The following CSTL1 variants were observed in gnomAD, a reference collection of about 807,000 sequenced individuals.
CSTL1 encodes the protein cystatin-like 1.
CSTL1 carries 14 observed loss-of-function variants against 14.4 expected under a neutral mutation model. The observed-to-expected ratio is 0.97, with a 90% CI of 0.64 to 1.52. CSTL1 has a LOEUF of 1.52. Ranked by LOEUF, CSTL1 falls within the 40% of genes most tolerant of loss-of-function variation. CSTL1 has a pLI of 0.00. For synonymous variants in CSTL1, 72 were observed against 67.5 expected (o/e 1.07, Z -0.33); for missense variants, 170 against 168.7 (o/e 1.01, Z -0.04).
chr20:23,450,575 GA>G, the CSTL1 span: 5 of 1,608,698 alleles, frequency 3.1e-6, no homozygotes, highest in Non-Finnish European at 4.3e-6. Context: ...ACACTGAGAA[GA>G]AGCAGTTGAC....
the CSTL1 span, chr20:23,459,232 T>G: frequency 6.6e-6 from 1 of 152,282 alleles, no homozygotes; most frequent in Non-Finnish European, 1.5e-5. Flanking sequence ...CAGCTCTGCC[T>G]CTGGAACCTC....
downstream of CSTL1, among the ~76,000 whole-genome samples, chr20:23,449,478 A>G (rs1987031232): frequency 1.3e-5 from 2 of 152,246 alleles, no homozygotes; most frequent in East Asian, 1.9e-4. Context: ...ATTAAACCCA[A>G]GGCTTTTGCT....
At chr20:23,456,715 A>G in the CSTL1 span, among the ~76,000 whole-genome samples, 1 of 152,184 alleles carries the variant, frequency 6.6e-6, no homozygotes, top group Non-Finnish European at 1.5e-5. Flanking sequence ...CAGCCCTACA[A>G]TCAAGGTACT....
chr20:23,440,160 G>C lies in CSTL1; in HGVS notation c.-108G>C. The C allele has an allele frequency of 9.0e-7, 1 of 1,116,784 alleles. No homozygotes were observed. The highest frequency in any genetic ancestry group is 1.4e-5 in the South Asian group (1 of 70,548). 69.2% of individuals were successfully genotyped at this position (1,116,784 alleles called of 1,614,324 possible). On this transcript the variant is annotated 5_prime_UTR_variant, in exon 2 of 4. Transcript: ENST00000347397. Reference sequence around the variant, plus strand: ...TAAATGCAGGCAGGCCATCCCCCAGGAAAGCCTATGTTGGTGAGGGTTATG... The same window carrying C: ...TAAATGCAGGCAGGCCATCCCCCAGCAAAGCCTATGTTGGTGAGGGTTATG...
At chr20:23,459,797 A>T in the CSTL1 span, among the ~76,000 whole-genome samples, 54 of 152,300 alleles carry the variant, frequency 3.5e-4, no homozygotes, top group South Asian at 0.011. Flanking sequence ...AATGAATAAA[A>T]TCCTTTTCCC....
the CSTL1 span, among the ~76,000 whole-genome samples, chr20:23,460,914 CTCCCCCATAT>C: frequency 6.6e-6 from 1 of 152,198 alleles, no homozygotes; most frequent in African/African-American, 2.4e-5. Context: ...AGCTACTCGC[CTCCCCCATAT>C]TCTGCCCACA....
the CSTL1 span, among the ~76,000 whole-genome samples, chr20:23,459,795 A>G: frequency 1.3e-5 from 2 of 152,160 alleles, no homozygotes; most frequent in Admixed American, 6.5e-5. Flanking sequence ...TGAATGAATA[A>G]AATCCTTTTC....
the CSTL1 span, among the ~76,000 whole-genome samples, chr20:23,458,823 A>T: frequency 6.6e-6 from 1 of 152,072 alleles, no homozygotes; most frequent in East Asian, 1.9e-4. Context: ...GCCTCAGAGG[A>T]GAGGCCGAGC....
In CSTL1 at chr20:23,444,710, G is replaced by A. The variant is rs1278376636; in HGVS notation, c.331-61G>A. 1.2e-5 allele frequency: 13 copies of A among 1,081,130 alleles called. No individual in the cohort carries two copies. The East Asian group carries it at 2.9e-4, about 24-fold the overall frequency. The allele number at this position is 1,081,130 out of a possible 1,614,324, so 67.0% of individuals were successfully genotyped here. A position where few individuals can be genotyped will look rare whatever the true frequency, so the allele number is the denominator to read the frequency against. On this transcript the variant is annotated intron_variant, in intron 3 of 3. Coordinates refer to ENST00000347397, the MANE Select transcript of CSTL1 (RefSeq NM_138283.1). The stretch of plus-strand genomic sequence containing the variant: ...ACAGGGAGAGACCTGGGGAACAGGT[G>A]CCTGTTGCTTGCCTTTGAAAAATAC...
downstream of CSTL1, among the ~76,000 whole-genome samples, chr20:23,446,066 C>T (rs544318570): frequency 2.1e-4 from 32 of 152,092 alleles, no homozygotes; most frequent in Non-Finnish European, 4.3e-4. Context: ...CTGCCTGGCA[C>T]GTGCCAAAAT....
In CSTL1 at chr20:23,443,975, C is replaced by G. The variant is rs776859470; in HGVS notation, c.261C>G (p.Gly87=). The G allele has an allele frequency of 4.3e-6, 7 of 1,614,118 alleles. No individual in the cohort carries two copies. The highest frequency in any genetic ancestry group is 1.1e-5 in the South Asian group (1 of 91,080). ...GVEYIVTVKI[G]WTKCKRNDTS... ...AGTATATAGTCACTGTGAAGATTGG[C>G]TGGACCAAATGCAAGAGGAATGACA... Residue 87 remains glycine (G), a synonymous_variant, in exon 3 of 4, where the codon GGC becomes GGG. Transcript: ENST00000347397.
chr20:23,450,550 A>T, the CSTL1 span: 2 of 1,612,476 alleles, frequency 1.2e-6, no homozygotes, highest in East Asian at 4.5e-5. Flanking sequence ...TACTGTTCAA[A>T]CCAGGGTACA....
intron 2 of CSTL1, among the ~76,000 whole-genome samples, chr20:23,443,225 A>G (rs1986879417): frequency 6.6e-6 from 1 of 152,246 alleles, no homozygotes; most frequent in Non-Finnish European, 1.5e-5. Context: ...CACTCTCCTA[A>G]CACTGAATCT....
chr20:23,443,040 G>A (rs1265030835), intron 2 of CSTL1, among the ~76,000 whole-genome samples: 2 of 152,178 alleles, frequency 1.3e-5, no homozygotes, highest in Admixed American at 1.3e-4. Context: ...AGAGCCATGG[G>A]GAAATCCCTG....
At chr20:23,440,588 T>C (rs1383563907) in intron 2 of CSTL1, 102 bp downstream of exon 2, 1 of 861,754 alleles carries the variant, frequency 1.2e-6, no homozygotes, top group Non-Finnish European at 2.0e-6. Context: ...GTGGTGGTCC[T>C]CCGTGAGGTC....
chr20:23,453,949 AAC>A, the CSTL1 span, among the ~76,000 whole-genome samples: 7 of 151,922 alleles, frequency 4.6e-5, no homozygotes, highest in African/African-American at 1.7e-4. Context: ...ACAGACACAC[AAC>A]ACACAGAGAC....
intron 2 of CSTL1, among the ~76,000 whole-genome samples, chr20:23,441,171 T>C (rs1986823173): frequency 6.6e-6 from 1 of 152,212 alleles, no homozygotes; most frequent in African/African-American, 2.4e-5. Flanking sequence ...AATACAAATA[T>C]TCTCTGTAGG....
intron 2 of CSTL1, among the ~76,000 whole-genome samples, chr20:23,441,196 T>A (rs1449889649): frequency 1.3e-5 from 2 of 152,230 alleles, no homozygotes; most frequent in African/African-American, 4.8e-5. Flanking sequence ...TAGCCCCCAA[T>A]ATTTTTTCAA....
chr20:23,440,195 T>C lies in CSTL1; in HGVS notation c.-73T>C. On this transcript the variant is annotated 5_prime_UTR_variant, in exon 2 of 4. It removes an upstream start codon present in the reference 5' UTR. Coordinates refer to ENST00000347397, the MANE Select transcript of CSTL1 (RefSeq NM_138283.1). ...GTTGGTGAGGGTTATGATGGGAGAA[T>C]GAGTGAACTGCAGCCTGGCACCACC... 2 of 1,495,744 alleles carry C rather than the reference T, an allele frequency of 1.3e-6. No individual in the cohort carries two copies. The highest frequency in any genetic ancestry group is 1.9e-6 in the Non-Finnish European group (2 of 1,078,136). 92.7% of individuals were successfully genotyped at this position (1,495,744 alleles called of 1,614,324 possible).
Sources: gnomAD v4.1 joint callset for allele counts (sites outside exome capture counted in the v4.1 genomes callset) on GRCh38, gnomAD v4.1.1 for gene constraint, MANE v1.5 for transcripts, NCBI Gene and HGNC (gene_info 2026-07-23, HGNC 2026-07-21) for gene names.